FSTL5: variants seen among roughly 807,000 people sequenced by gnomAD.
FSTL5 encodes follistatin-related protein 5.
FSTL5 carries 62 observed loss-of-function variants against 89.1 expected under a neutral mutation model. That is an observed-to-expected ratio of 0.70 (90% CI 0.57 to 0.86). The LOEUF (loss-of-function observed/expected upper bound fraction) is 0.86. Ranked by LOEUF, FSTL5 falls within the 40% of genes least tolerant of loss-of-function variation. The pLI is 0.00. For missense variants in FSTL5, 1,057 were observed against 1,001.6 expected, an observed-to-expected ratio of 1.06 and a Z score of -0.75; for synonymous variants, 383 against 346.2, an observed-to-expected ratio of 1.11 and a Z score of -1.18.
At chr4:161,906,179 G>A (rs1306852032) in intron 4 of FSTL5, among the ~76,000 whole-genome samples, 1 of 151,938 alleles carries the variant, frequency 6.6e-6, no homozygotes, top group Non-Finnish European at 1.5e-5. Context: ...AAGATTATAA[G>A]AAACCAGTTG....
chr4:161,822,422 G>C (rs1730520890), intron 4 of FSTL5, among the ~76,000 whole-genome samples: 1 of 152,236 alleles, frequency 6.6e-6, no homozygotes, highest in Non-Finnish European at 1.5e-5. Context: ...TCTGGCCACT[G>C]TGCACAGCCA....
intron 6 of FSTL5, among the ~76,000 whole-genome samples, chr4:161,677,666 G>C (rs1737354459): frequency 6.6e-6 from 1 of 151,924 alleles, no homozygotes. Flanking sequence ...TCTCTAAAGA[G>C]CTGACATTAC....
chr4:162,036,569 A>C (rs538351802), intron 2 of FSTL5, among the ~76,000 whole-genome samples: 1 of 152,094 alleles, frequency 6.6e-6, no homozygotes, highest in African/African-American at 2.4e-5. Flanking sequence ...TAGAACATAG[A>C]GTAGAACTCA....
chr4:161,687,644 C>T (rs866530568), intron 6 of FSTL5, among the ~76,000 whole-genome samples: 9 of 152,140 alleles, frequency 5.9e-5, no homozygotes, highest in African/African-American at 2.2e-4. Context: ...TCACTCACAT[C>T]TTAATGGGGG....
chr4:161,987,268 G>A (rs1735988950), intron 3 of FSTL5, among the ~76,000 whole-genome samples: 2 of 151,672 alleles, frequency 1.3e-5, no homozygotes, highest in South Asian at 2.1e-4. Flanking sequence ...TTCTGTTGGT[G>A]GCTGTTTTTA....
chr4:162,007,408 TA>T (rs1469236578), intron 3 of FSTL5, among the ~76,000 whole-genome samples: 1 of 151,816 alleles, frequency 6.6e-6, no homozygotes, highest in Non-Finnish European at 1.5e-5. Context: ...CAAAATATTT[TA>T]AAATCAAGTA....
In FSTL5 at chr4:161,731,365, C is replaced by T. The variant is rs553166859; in HGVS notation, c.727+28046G>A. 3.9e-5 allele frequency among the ~76,000 whole-genome samples: 6 copies of T among 152,080 alleles called. No individual in the cohort carries two copies. The East Asian group carries it at 7.8e-4, about 20-fold the overall frequency. ...TGAATTGTAATCCCCATGTGTTGGG[C>T]GAGGGGCCTAATGGGAGGTGATTGG... On this transcript the variant is annotated intron_variant, in intron 6 of 15. Transcript: ENST00000306100.
intron 15 of FSTL5, among the ~76,000 whole-genome samples, chr4:161,449,824 C>G (rs1231206351): frequency 6.6e-6 from 1 of 151,984 alleles, no homozygotes; most frequent in African/African-American, 2.4e-5. Flanking sequence ...CTACTTATAA[C>G]ACCAAATAAC....
intron 2 of FSTL5, among the ~76,000 whole-genome samples, chr4:162,084,893 G>T (rs1438217339): frequency 6.6e-6 from 1 of 151,968 alleles, no homozygotes; most frequent in African/African-American, 2.4e-5. Context: ...TGCACATTCT[G>T]CATATGTACC....
intron 9 of FSTL5, among the ~76,000 whole-genome samples, chr4:161,539,964 T>C (rs1731762595): frequency 2.6e-5 from 4 of 151,838 alleles, no homozygotes; most frequent in Admixed American, 2.0e-4. Context: ...GGTTTTGTTT[T>C]GAAATACCAA....
intron 6 of FSTL5, among the ~76,000 whole-genome samples, chr4:161,729,540 A>G (rs905844282): frequency 5.3e-5 from 8 of 152,136 alleles, no homozygotes; most frequent in African/African-American, 1.7e-4. Flanking sequence ...CATCATGTTC[A>G]GTGATATATG....
rs116522957 is a variant in FSTL5, at chr4:161,438,995, G to A, written c.1841+16009C>T. ...TTTTAACACATTGACAACTGTAAGG[G>A]ACAATCTTAGATGATACTGAAAATA... On this transcript the variant is annotated intron_variant, in intron 15 of 15. Coordinates refer to ENST00000306100, the MANE Select transcript of FSTL5 (RefSeq NM_020116.5). Among the ~76,000 whole-genome samples, 1,278 of 151,738 alleles carry A rather than the reference G, an allele frequency of 8.4e-3. 9 individuals are homozygous for A. The highest frequency in any genetic ancestry group is 0.012 in the Non-Finnish European group (848 of 67,918).
At chr4:161,752,834 A>T (rs1364067923) in intron 6 of FSTL5, among the ~76,000 whole-genome samples, 3 of 152,100 alleles carry the variant, frequency 2.0e-5, no homozygotes, top group African/African-American at 4.8e-5. Flanking sequence ...GGTGGGTCCT[A>T]ATCTGATAGG....
chr4:161,706,767 T>C (rs924012711), intron 6 of FSTL5, among the ~76,000 whole-genome samples: 1 of 152,050 alleles, frequency 6.6e-6, no homozygotes, highest in Non-Finnish European at 1.5e-5. Flanking sequence ...TTATCACTAC[T>C]TAAAAGAGAA....
chr4:161,745,264 C>A (rs1380909222), intron 6 of FSTL5, among the ~76,000 whole-genome samples: 1 of 151,928 alleles, frequency 6.6e-6, no homozygotes, highest in Non-Finnish European at 1.5e-5. Flanking sequence ...TATTCGTACA[C>A]CTCAAAGGAT....
intron 13 of FSTL5, among the ~76,000 whole-genome samples, chr4:161,465,800 T>G (rs1346773071): frequency 6.6e-6 from 1 of 152,212 alleles, no homozygotes; most frequent in African/African-American, 2.4e-5. Context: ...TCCTACATAA[T>G]AATCATTAAA....
At chr4:161,911,526 G>C (rs563013763) in intron 4 of FSTL5, among the ~76,000 whole-genome samples, 9 of 152,158 alleles carry the variant, frequency 5.9e-5, no homozygotes, top group Non-Finnish European at 7.4e-5. Context: ...GAAAGATATT[G>C]TACAAACTAC....
intron 1 of FSTL5, among the ~76,000 whole-genome samples, chr4:162,153,687 AATAAT>A (rs1489342975): frequency 2.3e-5 from 3 of 128,654 alleles, no homozygotes; most frequent in Admixed American, 8.1e-5. Context: ...ATATGTATAT[AATAAT>A]ATATATGTAT....
intron 4 of FSTL5, among the ~76,000 whole-genome samples, chr4:161,850,898 G>T (rs1234856925): frequency 6.6e-6 from 1 of 152,120 alleles, no homozygotes; most frequent in Non-Finnish European, 1.5e-5. Flanking sequence ...GTCTGTCAGG[G>T]TAGGTGGGAG....
Sources: allele counts gnomAD v4.1 joint callset (sites outside exome capture counted in the v4.1 genomes callset), GRCh38; gene constraint gnomAD v4.1.1; transcripts MANE v1.5; gene names NCBI Gene and HGNC (gene_info 2026-07-23, HGNC 2026-07-21).